KIAA1328: variants seen among roughly 807,000 people sequenced by gnomAD.
KIAA1328 encodes the protein KIAA1328.
In KIAA1328, 52 loss-of-function variants were observed where a neutral mutation model predicts 68.1. That is an observed-to-expected ratio of 0.76 (90% CI 0.61 to 0.96). The LOEUF is 0.96. Among genes scored for constraint, KIAA1328 ranks in the 40% least tolerant of loss-of-function variants. KIAA1328 has a pLI of 0.00. For missense variants in KIAA1328, 641 were observed against 677.6 expected (o/e 0.95, Z 0.60); for synonymous variants, 232 against 239.4 (o/e 0.97, Z 0.28).
At chr18:36,881,205 T>A (rs1365073770) in intron 4 of KIAA1328, among the ~76,000 whole-genome samples, 2 of 151,998 alleles carry the variant, frequency 1.3e-5, no homozygotes, top group African/African-American at 4.8e-5. Flanking sequence ...TTAAGTACTG[T>A]GTATCATACT....
At chr18:36,851,846 G>T (rs1204791786) in intron 4 of KIAA1328, among the ~76,000 whole-genome samples, 4 of 148,642 alleles carry the variant, frequency 2.7e-5, no homozygotes, top group Admixed American at 2.0e-4. Context: ...TTTGCTTTTG[G>T]TTTCTAGTTC....
chr18:37,052,679 A>G (rs923001947), intron 6 of KIAA1328, among the ~76,000 whole-genome samples: 1 of 152,332 alleles, frequency 6.6e-6, no homozygotes, highest in Middle Eastern at 3.4e-3. Flanking sequence ...CAAAAAACCA[A>G]TAGCATTTCT....
At chr18:36,948,261 G>GTT (rs1167822236) in intron 5 of KIAA1328, among the ~76,000 whole-genome samples, 143 of 115,764 alleles carry the variant, frequency 1.2e-3, no homozygotes, top group Non-Finnish European at 1.6e-3. Flanking sequence ...TTTGTCTTTT[G>GTT]TTTTTTTTTT....
chr18:36,890,990 G>T (rs1184238105), intron 5 of KIAA1328, among the ~76,000 whole-genome samples: 1 of 152,134 alleles, frequency 6.6e-6, no homozygotes, highest in African/African-American at 2.4e-5. Flanking sequence ...TCAAAACATG[G>T]TAGATGAATA....
chr18:37,084,938 G>C (rs573667940), intron 7 of KIAA1328, among the ~76,000 whole-genome samples: 1 of 152,170 alleles, frequency 6.6e-6, no homozygotes, highest in African/African-American at 2.4e-5. Context: ...CCTGGATCCT[G>C]GGTCTGTGGA....
intron 4 of KIAA1328, among the ~76,000 whole-genome samples, chr18:36,868,495 G>A (rs986966380): frequency 1.3e-5 from 2 of 152,096 alleles, no homozygotes; most frequent in African/African-American, 4.8e-5. Flanking sequence ...GCTGAAAGAC[G>A]CTGATAATTC....
At chr18:37,096,198 G>A (rs562567844) in intron 7 of KIAA1328, among the ~76,000 whole-genome samples, 54 of 152,118 alleles carry the variant, frequency 3.5e-4, no homozygotes, top group African/African-American at 1.2e-3. Flanking sequence ...CTTAACATTA[G>A]GTATATCTCC....
At chr18:36,932,334 C>G (rs929082416) in intron 5 of KIAA1328, among the ~76,000 whole-genome samples, 1 of 152,184 alleles carries the variant, frequency 6.6e-6, no homozygotes, top group Non-Finnish European at 1.5e-5. Context: ...AGAATCCTGC[C>G]TCAGCCCCAC....
Position 36,850,971 on chromosome 18 carries a change from C to T in KIAA1328, c.332+6669C>T, listed in dbSNP as rs1252403006. ...TGGGTTTTTCATAAGTGCCCTTTACCATGTTAAGGAACTTTCATGCTTTTC... is the reference window on the plus strand; with the variant it reads ...TGGGTTTTTCATAAGTGCCCTTTACTATGTTAAGGAACTTTCATGCTTTTC... On this transcript the variant is annotated intron_variant, in intron 4 of 9. Coordinates refer to ENST00000280020, the MANE Select transcript of KIAA1328 (RefSeq NM_020776.3). 2.6e-5 allele frequency among the ~76,000 whole-genome samples: 4 copies of T among 152,184 alleles called. No individual in the cohort carries two copies. The East Asian group carries it at 7.7e-4, about 29-fold the overall frequency.
intron 4 of KIAA1328, among the ~76,000 whole-genome samples, chr18:36,871,129 A>T (rs2047931574): frequency 6.6e-6 from 1 of 152,144 alleles, no homozygotes; most frequent in South Asian, 2.1e-4. Context: ...GGCCCACGTG[A>T]AGGGAAGTTA....
intron 1 of KIAA1328, among the ~76,000 whole-genome samples, chr18:36,833,921 A>G (rs1243081762): frequency 6.6e-6 from 1 of 152,188 alleles, no homozygotes; most frequent in Non-Finnish European, 1.5e-5. Context: ...ACTCTTCAGA[A>G]TTGTCAGTTC....
At chr18:37,096,861 A>G (rs1210746940) in intron 7 of KIAA1328, among the ~76,000 whole-genome samples, 1 of 152,196 alleles carries the variant, frequency 6.6e-6, no homozygotes, top group Non-Finnish European at 1.5e-5. Context: ...TTTTGGCTGC[A>G]TAAATGTCTT....
intron 6 of KIAA1328, among the ~76,000 whole-genome samples, chr18:36,978,694 A>T (rs774703742): frequency 6.6e-6 from 1 of 152,112 alleles, no homozygotes; most frequent in Non-Finnish European, 1.5e-5. Flanking sequence ...GTGGCCATTT[A>T]TATTTCTTGT....
At chr18:36,990,300 A>G (rs955424497) in intron 6 of KIAA1328, among the ~76,000 whole-genome samples, 2 of 152,166 alleles carry the variant, frequency 1.3e-5, no homozygotes, top group Non-Finnish European at 2.9e-5. Flanking sequence ...ATACTCTTTC[A>G]TGCCCAGTGT....
intron 5 of KIAA1328, among the ~76,000 whole-genome samples, chr18:36,957,194 G>A (rs1328738138): frequency 6.6e-6 from 1 of 152,172 alleles, no homozygotes; most frequent in African/African-American, 2.4e-5. Context: ...TTATGAAAAT[G>A]TTAAGGAATA....
intron 6 of KIAA1328, among the ~76,000 whole-genome samples, chr18:37,018,632 G>A (rs1352157360): frequency 6.6e-6 from 1 of 152,098 alleles, no homozygotes; most frequent in Non-Finnish European, 1.5e-5. Flanking sequence ...ATAATCCCAA[G>A]GTTCTCACAG....
chr18:37,111,947 A>T (rs1336660050), intron 7 of KIAA1328, among the ~76,000 whole-genome samples: 1 of 152,120 alleles, frequency 6.6e-6, no homozygotes, highest in East Asian at 1.9e-4. Flanking sequence ...CTGAGTTCAA[A>T]CTGCAAGGTG....
intron 6 of KIAA1328, among the ~76,000 whole-genome samples, chr18:37,041,346 G>A (rs1056910312): frequency 1.3e-5 from 2 of 151,982 alleles, no homozygotes; most frequent in African/African-American, 2.4e-5. Flanking sequence ...TTTGATATTA[G>A]TATAGCTACT....
Position 36,952,393 on chromosome 18 carries a change from C to T in KIAA1328, c.449-6915C>T, listed in dbSNP as rs1043598361. On this transcript the variant is annotated intron_variant, in intron 5 of 9. Transcript: ENST00000280020. ...TATTTGTTTAAATCTCTCCCTCTCT[C>T]TAAGCCTTGATGTCTTTTTTTTTTA... 3.9e-5 allele frequency among the ~76,000 whole-genome samples: 6 copies of T among 152,262 alleles called. No homozygotes were observed. In the South Asian group the frequency reaches 1.2e-3, roughly 32 times the overall value.
Sources: gnomAD v4.1 joint callset for allele counts (sites outside exome capture counted in the v4.1 genomes callset) on GRCh38, gnomAD v4.1.1 for gene constraint, MANE v1.5 for transcripts, NCBI Gene and HGNC (gene_info 2026-07-23, HGNC 2026-07-21) for gene names.